Variants in CTNND2 observed in about 807,000 individuals in gnomAD.
CTNND2 encodes the protein catenin delta 2, also known as catenin delta-2.
CTNND2 carries 22 observed loss-of-function variants against 144.4 expected under a neutral mutation model. That is an observed-to-expected ratio of 0.15 (90% CI 0.11 to 0.22). The LOEUF is 0.22. Among genes scored for constraint, CTNND2 ranks in the 10% least tolerant of loss-of-function variants. The pLI is 1.00. For missense variants in CTNND2, 1,353 were observed against 1,618.8 expected, an observed-to-expected ratio of 0.84 and a Z score of 2.82; for synonymous variants, 751 against 695.6, an observed-to-expected ratio of 1.08 and a Z score of -1.25.
intron 9 of CTNND2, among the ~76,000 whole-genome samples, chr5:11,316,980 C>A (rs1022218553): frequency 6.6e-6 from 1 of 151,904 alleles, no homozygotes; most frequent in Non-Finnish European, 1.5e-5. Flanking sequence ...AAGAAAAAAA[C>A]AAACAACCCC....
At chr5:11,901,683 C>T (rs548368174) in intron 1 of CTNND2, among the ~76,000 whole-genome samples, 103 of 152,304 alleles carry the variant, frequency 6.8e-4, no homozygotes, top group African/African-American at 2.4e-3. Flanking sequence ...AACAACCTCA[C>T]GTACTTACCA....
intron 10 of CTNND2, among the ~76,000 whole-genome samples, chr5:11,234,161 G>A (rs771076706): frequency 6.6e-6 from 1 of 152,022 alleles, no homozygotes; most frequent in Non-Finnish European, 1.5e-5. Context: ...GCACACATAT[G>A]TACACACACG....
In CTNND2 at chr5:10,981,586, A is replaced by AACACAC. The variant is rs112742699; in HGVS notation, c.3417+181_3417+186dup. Reference sequence around the variant, plus strand: ...CATTTGAGGCTGTTCTGCCGAGTCCAACACACACACACACACACACAGAGA... The same window carrying AACACAC: ...CATTTGAGGCTGTTCTGCCGAGTCCAACACACACACACACACACACACACACAGAGA... On this transcript the variant is annotated intron_variant, in intron 21 of 21. Transcript: ENST00000304623. Among the ~76,000 whole-genome samples the AACACAC allele has an allele frequency of 0.1, 15,268 of 150,384 alleles. 849 individuals carry two copies. Among genetic ancestry groups the AACACAC allele is most frequent in the East Asian group, 0.19 (980 of 5,108 alleles).
intron 3 of CTNND2, among the ~76,000 whole-genome samples, chr5:11,463,640 A>T (rs186957615): frequency 3.3e-5 from 5 of 152,068 alleles, no homozygotes; most frequent in Admixed American, 2.6e-4. Flanking sequence ...ACTCTTTCGC[A>T]TGGATATACA....
intron 10 of CTNND2, among the ~76,000 whole-genome samples, chr5:11,225,743 A>G (rs1397742377): frequency 6.6e-6 from 1 of 151,794 alleles, no homozygotes; most frequent in Non-Finnish European, 1.5e-5. Flanking sequence ...TTCCAGCCAC[A>G]CTCTTTGTTA....
chr5:11,651,486 C>A (rs997851013), intron 2 of CTNND2, among the ~76,000 whole-genome samples: 2 of 152,222 alleles, frequency 1.3e-5, no homozygotes, highest in African/African-American at 4.8e-5. Flanking sequence ...CCCACTGGGG[C>A]ACTGCTTAGT....
chr5:11,236,576 C>A (rs913910571), intron 10 of CTNND2, 115 bp downstream of exon 10: 3 of 1,157,622 alleles, frequency 2.6e-6, no homozygotes, highest in Non-Finnish European at 3.7e-6. Context: ...AAATATAGAT[C>A]TAAATTTTAA....
intron 10 of CTNND2, among the ~76,000 whole-genome samples, chr5:11,234,376 T>C (rs568278949): frequency 1.3e-5 from 2 of 152,370 alleles, no homozygotes; most frequent in East Asian, 3.9e-4. Context: ...TGTTAAGTCA[T>C]TTAATTCTTG....
At chr5:11,597,875 G>GA (rs1581585728) in intron 2 of CTNND2, among the ~76,000 whole-genome samples, 1 of 152,108 alleles carries the variant, frequency 6.6e-6, no homozygotes, top group Non-Finnish European at 1.5e-5. Context: ...AATAGTCTTT[G>GA]AAAATATAAT....
chr5:11,171,551 G>T lies in CTNND2; in HGVS notation c.1976-11792C>A, dbSNP rs1759915697. The stretch of plus-strand genomic sequence containing the variant: ...CTTCTTCCTTTTGGTTTTTCAGCAG[G>T]TATTTTGTGAATGCCTGTTGAGACA... On this transcript the variant is annotated intron_variant, in intron 11 of 21. Coordinates refer to ENST00000304623, the MANE Select transcript of CTNND2 (RefSeq NM_001332.4). 2.0e-5 allele frequency among the ~76,000 whole-genome samples: 3 copies of T among 152,104 alleles called. No individual in the cohort carries two copies. The South Asian group carries it at 6.2e-4, about 32-fold the overall frequency.
At chr5:11,631,609 G>A (rs1781419017) in intron 2 of CTNND2, among the ~76,000 whole-genome samples, 1 of 152,142 alleles carries the variant, frequency 6.6e-6, no homozygotes, top group African/African-American at 2.4e-5. Flanking sequence ...AGTGTTTCCA[G>A]GAGGGGAAAA....
intron 3 of CTNND2, among the ~76,000 whole-genome samples, chr5:11,492,775 A>G (rs1248395273): frequency 6.6e-6 from 1 of 151,938 alleles, no homozygotes; most frequent in Non-Finnish European, 1.5e-5. Context: ...TTCTTCATAT[A>G]AATATTAAGA....
At position 10,973,725 on chromosome 5, in the gene CTNND2, A is replaced by G; in HGVS notation, c.3418-12T>C. ...GGCTGTGCTGAAACCTAAACGGGAA[A>G]GAAGAGCCACACTGGGTTACTTGGT... is the stretch of plus-strand genomic sequence containing the variant. On this transcript the variant is annotated splice_polypyrimidine_tract_variant and intron_variant, in intron 21 of 21. Transcript: ENST00000304623. This position sits in a 1 kb window ranked among gnomAD's most constrained non-coding sequence, Gnocchi z 5.6. The G allele has an allele frequency of 3.8e-6, 6 of 1,580,516 alleles. No homozygotes were observed. Among genetic ancestry groups the G allele is most frequent in the Non-Finnish European group, 5.2e-6 (6 of 1,163,568 alleles).
At chr5:11,693,080 A>G (rs1784983821) in intron 2 of CTNND2, among the ~76,000 whole-genome samples, 1 of 152,246 alleles carries the variant, frequency 6.6e-6, no homozygotes, top group Admixed American at 6.5e-5. Context: ...AAAAACCAAG[A>G]ACATTTTAAA....
At chr5:11,780,846 C>A (rs1790505780) in intron 1 of CTNND2, among the ~76,000 whole-genome samples, 1 of 152,120 alleles carries the variant, frequency 6.6e-6, no homozygotes, top group Admixed American at 6.5e-5. Flanking sequence ...AAATCCTGAG[C>A]AGTGACACAA....
At chr5:11,349,654 A>G (rs1658878738) in intron 8 of CTNND2, among the ~76,000 whole-genome samples, 1 of 152,202 alleles carries the variant, frequency 6.6e-6, no homozygotes, top group Non-Finnish European at 1.5e-5. Flanking sequence ...TACAGAGAAG[A>G]GATGGGTTCA....
Position 11,022,795 on chromosome 5 carries a change from G to T in CTNND2, c.2973C>A (p.Val991=). ...LRDAGGIEKL[V]GISKSKGDKH... is the part of the protein sequence containing the mutation. The stretch of plus-strand genomic sequence containing the variant: ...TATCTCCTTTGCTTTTGGAGATGCC[G>T]ACCAACTTCTCGATGCCACCGGCAT... Residue 991 remains valine (V), a synonymous_variant, in exon 17 of 22, where the codon GTC becomes GTA. Transcript: ENST00000304623. The T allele has an allele frequency of 6.2e-7, 1 of 1,614,056 alleles. No homozygotes were observed. The highest frequency in any genetic ancestry group is 8.5e-7 in the Non-Finnish European group (1 of 1,180,012).
At chr5:11,711,880 T>G (rs572703473) in intron 2 of CTNND2, among the ~76,000 whole-genome samples, 8 of 152,204 alleles carry the variant, frequency 5.3e-5, no homozygotes, top group Admixed American at 1.3e-4. Flanking sequence ...ATGATTCTGG[T>G]AGGTGGGCAG....
At chr5:11,112,390 A>C (rs1017615782) in intron 13 of CTNND2, among the ~76,000 whole-genome samples, 2 of 152,194 alleles carry the variant, frequency 1.3e-5, no homozygotes, top group African/African-American at 4.8e-5. Context: ...AGGGGCCACA[A>C]GCCGAGGTAT....
Sources: gnomAD v4.1 joint callset for allele counts (sites outside exome capture counted in the v4.1 genomes callset) on GRCh38, gnomAD v4.1.1 for gene constraint, Gnocchi (gnomAD v3.1) non-coding constraint, MANE v1.5 for transcripts, NCBI Gene and HGNC (gene_info 2026-07-23, HGNC 2026-07-21) for gene names.